The following ADH7 variants were observed in gnomAD, a reference collection of about 807,000 sequenced individuals.
ADH7 encodes alcohol dehydrogenase 7 (class IV), mu or sigma polypeptide, also known as all-trans-retinol dehydrogenase [NAD(+)] ADH7.
In ADH7, 41 loss-of-function variants were observed where a neutral mutation model predicts 34.4. That is an observed-to-expected ratio of 1.19 (90% CI 0.93 to 1.55). ADH7 has a LOEUF of 1.55. Ranked by LOEUF, ADH7 falls within the 40% of genes most tolerant of loss-of-function variation. The probability of loss-of-function intolerance (pLI) is 0.00; values close to 1 mark genes in which losing one functional copy is unlikely to be tolerated. For synonymous variants in ADH7, 180 were observed against 160.9 expected (o/e 1.12, Z -0.90); for missense variants, 540 against 461.2 (o/e 1.17, Z -1.56).
chr4:99,415,610 T>C lies in ADH7; in HGVS notation c.968A>G (p.Lys323Arg). 6.2e-7 allele frequency: 1 copy of C among 1,612,630 alleles called. No individual in the cohort carries two copies. The highest frequency in any genetic ancestry group is 8.5e-7 in the Non-Finnish European group (1 of 1,179,338). Residue 323 changes from lysine (K) to arginine (R), a missense_variant, in exon 8 of 9, where the codon AAA becomes AGA. Coordinates refer to ENST00000437033, the MANE Select transcript of ADH7 (RefSeq NM_000673.7). Reference sequence around the variant, plus strand: ...TAGTTTTGGGACATCATCTCTGCTTTTCAAACCTGCAAATAAGCACACATT... The same window carrying C: ...TAGTTTTGGGACATCATCTCTGCTTCTCAAACCTGCAAATAAGCACACATT... ...TWKGCVFGGL[K>R]SRDDVPKLVT... is the part of the protein sequence containing the mutation.
chr4:99,419,322 C>G (rs544533450), intron 6 of ADH7, among the ~76,000 whole-genome samples: 1 of 152,242 alleles, frequency 6.6e-6, no homozygotes, highest in South Asian at 2.1e-4. Context: ...GCAGAAACAG[C>G]AATCAATGTG....
intron 5 of ADH7, among the ~76,000 whole-genome samples, chr4:99,424,096 T>C (rs1721739344): frequency 6.6e-6 from 1 of 152,246 alleles, no homozygotes; most frequent in South Asian, 2.1e-4. Context: ...TTTCTACATA[T>C]GGCTAGCCAG....
chr4:99,425,564 C>T (rs945212724), intron 5 of ADH7, among the ~76,000 whole-genome samples: 5 of 152,010 alleles, frequency 3.3e-5, no homozygotes, highest in Middle Eastern at 3.4e-3. Flanking sequence ...ATAAAGCAAG[C>T]CCTGAGTGAC....
chr4:99,428,741 T>G, intron 2 of ADH7, 111 bp from the exon 3 acceptor site: 1 of 1,352,214 alleles, frequency 7.4e-7, no homozygotes, highest in Middle Eastern at 1.9e-4. Flanking sequence ...TATCTTTGCC[T>G]AATATAACAA....
chr4:99,433,279 T>G (rs773740737), intron 1 of ADH7, among the ~76,000 whole-genome samples: 2 of 151,930 alleles, frequency 1.3e-5, no homozygotes, highest in Non-Finnish European at 2.9e-5. Context: ...ATGCAGAAAT[T>G]AGACATTTAA....
chr4:99,426,406 C>T (rs1721805996), intron 5 of ADH7, among the ~76,000 whole-genome samples: 1 of 152,170 alleles, frequency 6.6e-6, no homozygotes, highest in Admixed American at 6.5e-5. Flanking sequence ...GAAATACAAA[C>T]TACCATCAGA....
chr4:99,423,287 TTTG>T (rs1360802291), intron 5 of ADH7, among the ~76,000 whole-genome samples: 1 of 150,052 alleles, frequency 6.7e-6, no homozygotes, highest in Non-Finnish European at 1.5e-5. Flanking sequence ...TTGTTGGACA[TTTG>T]GATTGGTTCC....
At chr4:99,424,472 T>C (rs1187034123) in intron 5 of ADH7, among the ~76,000 whole-genome samples, 1 of 152,158 alleles carries the variant, frequency 6.6e-6, no homozygotes, top group Non-Finnish European at 1.5e-5. Context: ...CCTTGGGCAG[T>C]ATGGCCATTT....
At chr4:99,419,483 G>A (rs1015345048) in intron 6 of ADH7, among the ~76,000 whole-genome samples, 7 of 151,082 alleles carry the variant, frequency 4.6e-5, no homozygotes, top group South Asian at 2.1e-4. Context: ...ATCATTTAGC[G>A]TAGTTTTTTT....
At chr4:99,434,074 T>C (rs1438547589) in intron 1 of ADH7, among the ~76,000 whole-genome samples, 4 of 152,154 alleles carry the variant, frequency 2.6e-5, no homozygotes, top group African/African-American at 9.6e-5. Context: ...TTATATATTA[T>C]ATACTGTATT....
intron 5 of ADH7, among the ~76,000 whole-genome samples, chr4:99,427,204 A>G (rs1721829937): frequency 6.6e-6 from 1 of 152,144 alleles, no homozygotes; most frequent in Admixed American, 6.6e-5. Context: ...AGTTTTGGTG[A>G]ACAGTAACAG....
intron 1 of ADH7, among the ~76,000 whole-genome samples, chr4:99,430,450 G>A (rs1039351078): frequency 6.6e-6 from 1 of 152,112 alleles, no homozygotes; most frequent in African/African-American, 2.4e-5. Flanking sequence ...TAGAGAAATT[G>A]TTTCCACCTT....
At chr4:99,429,469 G>T in intron 2 of ADH7, 63 bp downstream of exon 2, 2 of 1,196,536 alleles carry the variant, frequency 1.7e-6, no homozygotes, top group Non-Finnish European at 2.4e-6. Flanking sequence ...CCTCACAACA[G>T]TGCTATATTC....
At chr4:99,429,203 A>G (rs1016884225) in intron 2 of ADH7, among the ~76,000 whole-genome samples, 10 of 152,222 alleles carry the variant, frequency 6.6e-5, no homozygotes, top group Non-Finnish European at 1.3e-4. Context: ...AAGTAACCTC[A>G]AAACAATCTG....
Position 99,428,231 on chromosome 4 carries a change from T to A in ADH7, c.260-57A>T, listed in dbSNP as rs141313311. ...GTTCATTAATGTTAAAATATGAAATTAACAAATGTGAATTGAGCCCATACT... is the reference window on the plus strand; with the variant it reads ...GTTCATTAATGTTAAAATATGAAATAAACAAATGTGAATTGAGCCCATACT... On this transcript the variant is annotated intron_variant, in intron 3 of 8. Coordinates refer to ENST00000437033, the MANE Select transcript of ADH7 (RefSeq NM_000673.7). The A allele has an allele frequency of 1.9e-3, 2,910 of 1,503,798 alleles. 40 individuals are homozygous for A. In the African/African-American group the frequency reaches 0.036, roughly 18 times the overall value. The allele number at this position is 1,503,798 out of a possible 1,614,324, so 93.2% of individuals were successfully genotyped here. A position where few individuals can be genotyped will look rare whatever the true frequency, so the allele number is the denominator to read the frequency against.
intron 7 of ADH7, among the ~76,000 whole-genome samples, chr4:99,417,279 T>C (rs1721541604): frequency 6.6e-6 from 1 of 152,138 alleles, no homozygotes; most frequent in South Asian, 2.1e-4. Context: ...CCCCATATAA[T>C]TTAAGGTCCT....
rs189104050 is a variant in ADH7 at position 99,421,204 on chromosome 4, G to A, written c.565-411C>T. On this transcript the variant is annotated intron_variant, in intron 5 of 8. Coordinates refer to ENST00000437033, the MANE Select transcript of ADH7 (RefSeq NM_000673.7). ...GCCCATATAGCCAAGACAATCCTAAGCCAAAAAAACAAAGCTGGAGGCATC... is the reference window on the plus strand; with the variant it reads ...GCCCATATAGCCAAGACAATCCTAAACCAAAAAAACAAAGCTGGAGGCATC... Among the ~76,000 whole-genome samples, 548 of 152,030 alleles carry A rather than the reference G, an allele frequency of 3.6e-3. 6 individuals are homozygous for A. The highest frequency in any genetic ancestry group is 0.012 in the African/African-American group (517 of 41,420).
rs2110130799 is a variant in ADH7, at chr4:99,412,325, C to A, written c.*823G>T. On this transcript the variant is annotated 3_prime_UTR_variant, in exon 9 of 9. Transcript: ENST00000437033. ...ATGTTATAGATATATATAGATACAT[C>A]AGTGTAGTTGTTAAAAACTAAAAAC... is the stretch of plus-strand genomic sequence containing the variant. 6.6e-6 allele frequency: 1 copy of A among 152,130 alleles called. No homozygotes were observed. The highest frequency in any genetic ancestry group is 1.9e-4 in the East Asian group (1 of 5,186). 9.4% of individuals were successfully genotyped at this position (152,130 alleles called of 1,614,324 possible).
At chr4:99,422,125 T>C (rs1475160740) in intron 5 of ADH7, among the ~76,000 whole-genome samples, 1 of 152,056 alleles carries the variant, frequency 6.6e-6, no homozygotes, top group Non-Finnish European at 1.5e-5. Context: ...ACCAGAAATA[T>C]CATTTGACCC....
Sources: gnomAD v4.1 joint callset for allele counts (sites outside exome capture counted in the v4.1 genomes callset) on GRCh38, gnomAD v4.1.1 for gene constraint, MANE v1.5 for transcripts, NCBI Gene and HGNC (gene_info 2026-07-23, HGNC 2026-07-21) for gene names.